The following SLC7A9 variants were observed in gnomAD, a reference collection of about 807,000 sequenced individuals.
SLC7A9 encodes B(0,+)-type amino acid transporter 1.
A neutral mutation model predicts 54.1 loss-of-function variants in SLC7A9; 38 were observed. That is an observed-to-expected ratio of 0.70 (90% confidence interval 0.54 to 0.92). SLC7A9 has a LOEUF of 0.92. SLC7A9 is among the 40% of genes least tolerant of loss of function. SLC7A9 has a pLI of 0.00. For missense variants in SLC7A9, 537 were observed against 636.1 expected, an observed-to-expected ratio of 0.84 and a Z score of 1.68; for synonymous variants, 264 against 258.9, an observed-to-expected ratio of 1.02 and a Z score of -0.19.
In SLC7A9 at chr19:32,862,481, C is replaced by A; in HGVS notation, c.584G>T (p.Gly195Val). The stretch of plus-strand genomic sequence containing the variant: ...GTCACCTTGGGCCAGGAGCACCAGC[C>A]CGCTGATGATGATGATGGCCACGAT... Reference protein sequence around the residue: ...LVIVAIIIISGLVLLAQGNTK... With the variant: ...LVIVAIIIISVLVLLAQGNTK... The change falls in exon 5 of 13, where the codon GGG becomes GTG. Residue 195 changes from glycine to valine, a missense_variant. Coordinates refer to ENST00000023064, the MANE Select transcript of SLC7A9 (RefSeq NM_014270.5). 2 of 1,613,150 alleles carry A rather than the reference C, an allele frequency of 1.2e-6. No homozygotes were observed. Among genetic ancestry groups the A allele is most frequent in the South Asian group, 1.1e-5 (1 of 91,012 alleles).
Position 32,869,723 on chromosome 19 carries a change from C to T in SLC7A9, c.-149G>A, listed in dbSNP as rs1467399084. The stretch of plus-strand genomic sequence containing the variant: ...CCCTGCAGAGCCGGAGGAGCTGCGG[C>T]CCAGCTGACCGCCCGTGCCTGCACG... On this transcript the variant is annotated 5_prime_UTR_variant, in exon 1 of 13. Transcript: ENST00000023064. 6.6e-6 allele frequency: 1 copy of T among 152,284 alleles called. No individual in the cohort carries two copies. Among genetic ancestry groups the T allele is most frequent in the Admixed American group, 6.5e-5 (1 of 15,278 alleles). 9.4% of individuals were successfully genotyped at this position (152,284 alleles called of 1,614,324 possible). A position where few individuals can be genotyped will look rare whatever the true frequency, so the allele number is the denominator to read the frequency against.
intron 8 of SLC7A9, among the ~76,000 whole-genome samples, chr19:32,859,420 C>T (rs1174463505): frequency 6.6e-6 from 1 of 152,056 alleles, no homozygotes. Context: ...TCTCCTCCAC[C>T]TTCCAAATCC....
chr19:32,847,486 A>G (rs1464297995), intron 9 of SLC7A9, among the ~76,000 whole-genome samples: 2 of 152,160 alleles, frequency 1.3e-5, no homozygotes, highest in East Asian at 3.8e-4. Context: ...AGTTTAGAGA[A>G]AAAAGAATAA....
chr19:32,835,865 C>T lies in SLC7A9; in HGVS notation c.1225-2542G>A, dbSNP rs139907868. Reference sequence around the variant, plus strand: ...TAGATTATATGTCCTGTCATCATTACTGCTATTTCTAGGAATTTATGTACT... The same window carrying T: ...TAGATTATATGTCCTGTCATCATTATTGCTATTTCTAGGAATTTATGTACT... On this transcript the variant is annotated intron_variant, in intron 11 of 12. Transcript: ENST00000023064. 2.0e-5 allele frequency among the ~76,000 whole-genome samples: 3 copies of T among 151,762 alleles called. No individual in the cohort carries two copies. In the East Asian group the frequency reaches 5.8e-4, roughly 29 times the overall value.
intron 5 of SLC7A9, 97 bp downstream of exon 5, chr19:32,862,364 T>C (rs1447837259): frequency 4.5e-6 from 7 of 1,564,692 alleles, no homozygotes; most frequent in African/African-American, 1.4e-5. Flanking sequence ...CCTGCCATGC[T>C]TCCTTGGAGA....
At position 32,842,229 on chromosome 19, in the gene SLC7A9, A is replaced by C; in HGVS notation, c.1163T>G (p.Leu388Arg). ...CATCACGATGAGTCCTAGAATCGTCAGGCCATAAAACAGCCATGCGGCAAA... is the reference window on the plus strand; with the variant it reads ...CATCACGATGAGTCCTAGAATCGTCCGGCCATAAAACAGCCATGCGGCAAA... ...FSFAAWLFYG[L>R]TILGLIVMRF... Residue 388 changes from leucine (L) to arginine (R), a missense_variant, in exon 11 of 13, where the codon CTG (leucine) becomes CGG (arginine). Transcript: ENST00000023064. The C allele has an allele frequency of 6.2e-7, 1 of 1,614,162 alleles. No homozygotes were observed. The highest frequency in any genetic ancestry group is 8.5e-7 in the Non-Finnish European group (1 of 1,179,994).
chr19:32,843,186 G>A (rs752167992), intron 10 of SLC7A9, among the ~76,000 whole-genome samples: 22 of 152,256 alleles, frequency 1.4e-4, no homozygotes, highest in Admixed American at 3.3e-4. Flanking sequence ...GGCCAGGCAC[G>A]GTGGCTCATG....
At chr19:32,853,539 T>C (rs1044768498) in intron 9 of SLC7A9, among the ~76,000 whole-genome samples, 1 of 152,092 alleles carries the variant, frequency 6.6e-6, no homozygotes, top group Non-Finnish European at 1.5e-5. Context: ...TTTACAATAG[T>C]ATGAAAAATG....
intron 9 of SLC7A9, among the ~76,000 whole-genome samples, chr19:32,845,626 TC>T: frequency 6.6e-6 from 1 of 152,260 alleles, no homozygotes; most frequent in East Asian, 1.9e-4. Context: ...CATATAAAAA[TC>T]TAGATATAAT....
chr19:32,860,708 A>G (rs1968775594), intron 6 of SLC7A9, 58 bp from the exon 7 acceptor site: 1 of 1,606,050 alleles, frequency 6.2e-7, no homozygotes, highest in Non-Finnish European at 8.5e-7. Context: ...CGATAATGAA[A>G]CCCACAATAA....
intron 9 of SLC7A9, among the ~76,000 whole-genome samples, chr19:32,846,103 C>T (rs959123577): frequency 3.3e-5 from 5 of 152,190 alleles, no homozygotes; most frequent in Admixed American, 2.6e-4. Flanking sequence ...ACGCAGAAGA[C>T]GGGTGATTTC....
rs1315143630 is a variant in SLC7A9, at chr19:32,858,444, C to T, written c.973G>A (p.Gly325Ser). 1 of 1,611,416 alleles carries T rather than the reference C, an allele frequency of 6.2e-7. No homozygotes were observed. The highest frequency in any genetic ancestry group is 1.3e-5 in the African/African-American group (1 of 74,856). Reference sequence around the variant, plus strand: ...GTGACGGTGGGGGTCCCCTACCTGCCCGCTGTGAAGCAGGTCCCGTTAGCA... The same window carrying T: ...GTGACGGTGGGGGTCCCCTACCTGCTCGCTGTGAAGCAGGTCCCGTTAGCA... Reference protein sequence around the residue: ...GAANGTCFTAGRLIYVAGREG... With the variant: ...GAANGTCFTASRLIYVAGREG... Residue 325 changes from glycine to serine, a missense_variant, in exon 9 of 13, where the codon GGC becomes AGC. Gly to Ser is a moderately conservative substitution (Grantham distance 56). Transcript: ENST00000023064.
At chr19:32,864,449 C>T (rs1968902666) in intron 3 of SLC7A9, 111 bp from the exon 4 acceptor site, 1 of 1,549,260 alleles carries the variant, frequency 6.5e-7, no homozygotes, top group Non-Finnish European at 8.8e-7. Context: ...CCACCGTGGT[C>T]CGCCCTCGCT....
intron 4 of SLC7A9, 61 bp downstream of exon 4, chr19:32,864,035 G>T (rs1176435607): frequency 6.2e-7 from 1 of 1,610,590 alleles, no homozygotes; most frequent in Admixed American, 1.7e-5. Flanking sequence ...TGAGGGCGGA[G>T]TCCCCAGACA....
intron 9 of SLC7A9, among the ~76,000 whole-genome samples, chr19:32,846,754 T>G (rs1156626382): frequency 6.6e-6 from 1 of 152,186 alleles, no homozygotes; most frequent in Non-Finnish European, 1.5e-5. Flanking sequence ...GCAGCCTAAC[T>G]GGGAGGCAAC....
intron 12 of SLC7A9, among the ~76,000 whole-genome samples, chr19:32,832,611 A>G (rs955993905): frequency 6.7e-5 from 10 of 148,546 alleles, no homozygotes; most frequent in Non-Finnish European, 1.2e-4. Flanking sequence ...AAAAGAAAGA[A>G]AGAAAGAAAA....
At position 32,864,207 on chromosome 19, in the gene SLC7A9, T is replaced by G. The variant is rs773069414; in HGVS notation, c.367A>C (p.Thr123Pro). 6.2e-7 allele frequency: 1 copy of G among 1,614,198 alleles called. No individual in the cohort carries two copies. Among genetic ancestry groups the G allele is most frequent in the Admixed American group, 1.7e-5 (1 of 60,030 alleles). ...CTGAGGCAGATGATGGCGAAGGACG[T>G]GGGCTTAATGACGATCAGGCTGGCC... Reference protein sequence around the residue: ...SWASLIVIKPTSFAIICLSFS... With the variant: ...SWASLIVIKPPSFAIICLSFS... Residue 123 changes from threonine to proline, a missense_variant, in exon 4 of 13, where the codon ACG becomes CCG. Thr to Pro is a conservative substitution (Grantham distance 38, BLOSUM62 -1). Transcript: ENST00000023064.
chr19:32,846,898 C>T (rs1816756510), intron 9 of SLC7A9, among the ~76,000 whole-genome samples: 1 of 152,212 alleles, frequency 6.6e-6, no homozygotes, highest in Non-Finnish European at 1.5e-5. Flanking sequence ...TGTTCTGCAG[C>T]CACTGCTGCT....
chr19:32,862,163 G>T lies in SLC7A9; in HGVS notation c.659C>A (p.Ala220Asp). 6.2e-7 allele frequency: 1 copy of T among 1,613,738 alleles called. No individual in the cohort carries two copies. Among genetic ancestry groups the T allele is most frequent in the Non-Finnish European group, 8.5e-7 (1 of 1,179,768 alleles). The change falls in exon 6 of 13, where the codon GCC (alanine) becomes GAC (aspartate). Residue 220 changes from alanine to aspartate, a missense_variant. Transcript: ENST00000023064. ...TCCATTGTAAAACGCCAGGCTGATG[G>T]CTCCCACAGACAGCTGGGCGCCCTC... is the stretch of plus-strand genomic sequence containing the variant. ...SFEGAQLSVGAISLAFYNGLW... is the reference protein window; with the variant it reads ...SFEGAQLSVGDISLAFYNGLW...
Sources: gnomAD v4.1 joint callset for allele counts (sites outside exome capture counted in the v4.1 genomes callset) on GRCh38, gnomAD v4.1.1 for gene constraint, MANE v1.5 for transcripts, NCBI Gene and HGNC (gene_info 2026-07-23, HGNC 2026-07-21) for gene names.